CNTN3: variants seen among roughly 807,000 people sequenced by gnomAD.
The protein encoded by CNTN3 is contactin-3.
In CNTN3, 60 loss-of-function variants were observed where a neutral mutation model predicts 119.1. That is an observed-to-expected ratio of 0.50 (90% CI 0.41 to 0.62). The LOEUF is 0.62. Among genes scored for constraint, CNTN3 ranks in the 20% least tolerant of loss-of-function variants. The pLI is 0.00. For synonymous variants in CNTN3, 450 were observed against 438.7 expected (o/e 1.03, Z -0.32); for missense variants, 1,101 against 1,242.4 (o/e 0.89, Z 1.71).
chr3:74,274,565 A>G (rs1701844826), intron 20 of CNTN3, among the ~76,000 whole-genome samples: 1 of 152,166 alleles, frequency 6.6e-6, no homozygotes, highest in South Asian at 2.1e-4. Context: ...CAATCACTAC[A>G]GCTTGGCTCT....
chr3:74,299,900 C>T lies in CNTN3; in HGVS notation c.2134G>A (p.Gly712Arg), dbSNP rs777506457. The T allele has an allele frequency of 1.5e-5, 24 of 1,605,738 alleles. No individual in the cohort carries two copies. The highest frequency in any genetic ancestry group is 1.7e-4 in the Middle Eastern group (1 of 6,060). ...VPPSEVNGGGGSRSELVITWD... is the reference protein window; with the variant it reads ...VPPSEVNGGGRSRSELVITWD... The stretch of plus-strand genomic sequence containing the variant: ...GTTATCACAAGTTCAGACCGGCTTC[C>T]GCCTCCTCCATTGACTTCAGAAGGA... The change falls in exon 17 of 23, where the codon GGA becomes AGA. Residue 712 changes from glycine (G) to arginine (R), a missense_variant. Coordinates refer to ENST00000263665, the MANE Select transcript of CNTN3 (RefSeq NM_020872.3).
intron 5 of CNTN3, among the ~76,000 whole-genome samples, chr3:74,374,465 T>C (rs1704424655): frequency 1.3e-5 from 2 of 152,072 alleles, no homozygotes; most frequent in Admixed American, 6.6e-5. Context: ...CCCATTTTCA[T>C]TGACTTCCTT....
At chr3:74,554,509 G>T (rs1293076914) in intron 1 of CNTN3, among the ~76,000 whole-genome samples, 3 of 152,188 alleles carry the variant, frequency 2.0e-5, no homozygotes, top group Non-Finnish European at 4.4e-5. Context: ...ACTTTGGGCA[G>T]TATGGCCATT....
At position 74,521,102 on chromosome 3, in the gene CNTN3, G is replaced by T; in HGVS notation, c.11C>A (p.Pro4Gln). The change falls in exon 2 of 23, where the codon CCA (proline) becomes CAA (glutamine). Residue 4 changes from proline (P) to glutamine (Q), a missense_variant. Physicochemically the swap from Pro to Gln is moderately conservative, Grantham distance 76. Transcript: ENST00000263665. ...TGAAAGCAGGATCAACTGTTTCCAT[G>T]GAAACATCATCTTTAATTGCCAAAT... MMF[P>Q]WKQLILLSFI... The T allele has an allele frequency of 6.3e-7, 1 of 1,596,596 alleles. No homozygotes were observed. The highest frequency in any genetic ancestry group is 8.5e-7 in the Non-Finnish European group (1 of 1,170,198).
At chr3:74,357,033 C>T (rs933399839) in intron 11 of CNTN3, among the ~76,000 whole-genome samples, 1 of 151,866 alleles carries the variant, frequency 6.6e-6, no homozygotes, top group Non-Finnish European at 1.5e-5. Context: ...ACGCCATTCT[C>T]CTGCCTCAGC....
chr3:74,587,060 C>T (rs750460255), intron 1 of CNTN3, among the ~76,000 whole-genome samples: 3 of 151,876 alleles, frequency 2.0e-5, no homozygotes, highest in Non-Finnish European at 4.4e-5. Context: ...ACAGTCCAAA[C>T]CCAGTCAAAA....
At chr3:74,582,831 AT>A (rs1440115985) in intron 1 of CNTN3, among the ~76,000 whole-genome samples, 7 of 148,360 alleles carry the variant, frequency 4.7e-5, no homozygotes, top group African/African-American at 2.5e-5. Flanking sequence ...ACGACACAGA[AT>A]TTCTACTCTT....
intron 20 of CNTN3, among the ~76,000 whole-genome samples, chr3:74,278,023 CA>C (rs747488908): frequency 1.0e-3 from 111 of 108,218 alleles, no homozygotes; most frequent in East Asian, 6.3e-3. Context: ...CAATAGCTGC[CA>C]AAAAAAAAAA....
intron 4 of CNTN3, among the ~76,000 whole-genome samples, chr3:74,426,179 G>A (rs1468338000): frequency 6.6e-6 from 1 of 152,082 alleles, no homozygotes; most frequent in Admixed American, 6.6e-5. Context: ...TAGGGAAAGA[G>A]GAAGAAAGAT....
intron 4 of CNTN3, among the ~76,000 whole-genome samples, chr3:74,426,736 C>T (rs1445484642): frequency 6.6e-6 from 1 of 152,148 alleles, no homozygotes; most frequent in Non-Finnish European, 1.5e-5. Context: ...TAAAATGCAA[C>T]ATTCTCAAAA....
chr3:74,375,262 G>A (rs752284582), intron 5 of CNTN3, among the ~76,000 whole-genome samples: 1 of 152,100 alleles, frequency 6.6e-6, no homozygotes, highest in Non-Finnish European at 1.5e-5. Flanking sequence ...AAAGTAGGAG[G>A]AGCCACTCTG....
intron 20 of CNTN3, among the ~76,000 whole-genome samples, chr3:74,283,151 T>C (rs535491928): frequency 2.0e-5 from 3 of 152,256 alleles, no homozygotes; most frequent in South Asian, 4.1e-4. Flanking sequence ...TCTAACAATA[T>C]GGCTGAAAGA....
intron 20 of CNTN3, among the ~76,000 whole-genome samples, chr3:74,282,342 C>T (rs1420669951): frequency 6.6e-6 from 1 of 152,152 alleles, no homozygotes; most frequent in Non-Finnish European, 1.5e-5. Flanking sequence ...GTACATGAAA[C>T]TTGCACATTT....
chr3:74,362,003 C>A lies in CNTN3; in HGVS notation c.1251G>T (p.Lys417Asn). The A allele has an allele frequency of 6.2e-7, 1 of 1,613,650 alleles. No individual in the cohort carries two copies. The stretch of plus-strand genomic sequence containing the variant: ...GGCTGCCCACCTGCACCTGAACCAA[C>A]TTCTTCATTGGATTCTTTGAAAAAT... Reference protein sequence around the residue: ...APDFSKNPMKKLVQVQVGSLV... With the variant: ...APDFSKNPMKNLVQVQVGSLV... The change falls in exon 11 of 23, where the codon AAG (lysine) becomes AAT (asparagine). Residue 417 changes from lysine (K) to asparagine (N), a missense_variant. Coordinates refer to ENST00000263665, the MANE Select transcript of CNTN3 (RefSeq NM_020872.3).
Position 74,361,987 on chromosome 3 carries a change from C to T in CNTN3, c.1267G>A (p.Val423Met). ...CAATCCAAGCTGACCAGGCTGCCCA[C>T]CTGCACCTGAACCAACTTCTTCATT... ...NPMKKLVQVQ[V>M]GSLVSLDCKP... Residue 423 changes from valine (V) to methionine (M), a missense_variant, in exon 11 of 23, where the codon GTG becomes ATG. Transcript: ENST00000263665. 1 of 1,613,828 alleles carries T rather than the reference C, an allele frequency of 6.2e-7. No homozygotes were observed. Among genetic ancestry groups the T allele is most frequent in the Non-Finnish European group, 8.5e-7 (1 of 1,179,776 alleles).
chr3:74,612,244 G>A (rs1705095176), intron 1 of CNTN3, among the ~76,000 whole-genome samples: 2 of 152,124 alleles, frequency 1.3e-5, no homozygotes, highest in South Asian at 4.1e-4. Flanking sequence ...GAGGCTATTA[G>A]TTTGTAATAA....
chr3:74,286,775 T>A (rs544853911), intron 19 of CNTN3, among the ~76,000 whole-genome samples: 2 of 152,226 alleles, frequency 1.3e-5, no homozygotes, highest in Non-Finnish European at 2.9e-5. Flanking sequence ...TTGTTAAGAC[T>A]GAATTGTGGT....
At chr3:74,318,362 T>C (rs530195729) in intron 13 of CNTN3, among the ~76,000 whole-genome samples, 1 of 152,336 alleles carries the variant, frequency 6.6e-6, no homozygotes, top group East Asian at 1.9e-4. Context: ...CCATCTAGCT[T>C]TGTTCCGTTG....
intron 5 of CNTN3, among the ~76,000 whole-genome samples, chr3:74,392,133 G>A (rs894845008): frequency 6.6e-6 from 1 of 152,008 alleles, no homozygotes; most frequent in Non-Finnish European, 1.5e-5. Context: ...AGGAGACAGA[G>A]GAGAAAAAAA....
Sources: allele counts gnomAD v4.1 joint callset (sites outside exome capture counted in the v4.1 genomes callset), GRCh38; gene constraint gnomAD v4.1.1; transcripts MANE v1.5; gene names NCBI Gene and HGNC (gene_info 2026-07-23, HGNC 2026-07-21).